AGBL4: variants seen among roughly 807,000 people sequenced by gnomAD.
The protein encoded by AGBL4 is AGBL carboxypeptidase 4, also known as cytosolic carboxypeptidase 6.
In AGBL4, 58 loss-of-function variants were observed where a neutral mutation model predicts 66.4. The observed-to-expected ratio is 0.87, with a 90% confidence interval of 0.71 to 1.09. AGBL4 has a LOEUF of 1.09. Ranked by LOEUF, AGBL4 falls within the 50% of genes least tolerant of loss-of-function variation. AGBL4 has a pLI of 0.00. For synonymous variants in AGBL4, 234 were observed against 222.9 expected, an observed-to-expected ratio of 1.05 and a Z score of -0.44; for missense variants, 579 against 631.0, an observed-to-expected ratio of 0.92 and a Z score of 0.88.
intron 1 of AGBL4, among the ~76,000 whole-genome samples, chr1:49,989,098 C>T (rs1351945979): frequency 1.3e-5 from 2 of 152,182 alleles, no homozygotes; most frequent in African/African-American, 2.4e-5. Flanking sequence ...CACAGCTTGA[C>T]GGAGCTACCA....
chr1:48,689,776 G>A (rs1019524327), intron 6 of AGBL4, among the ~76,000 whole-genome samples: 1 of 152,208 alleles, frequency 6.6e-6, no homozygotes, highest in African/African-American at 2.4e-5. Flanking sequence ...GTGGTGGCAT[G>A]TACCTGTAGT....
Position 48,636,683 on chromosome 1 carries a change from C to T in AGBL4, c.840-2079G>A, listed in dbSNP as rs572318736. Among the ~76,000 whole-genome samples, 17 of 152,290 alleles carry T rather than the reference C, an allele frequency of 1.1e-4. No homozygotes were observed. The South Asian group carries it at 3.1e-3, about 28-fold the overall frequency. ...GCAGTTCTTAAATATTCTTATCTGA[C>T]GTATTGCTACTCATGAAAGTGATTA... On this transcript the variant is annotated intron_variant, in intron 8 of 13. Transcript: ENST00000371839.
chr1:49,920,124 A>G (rs1222629516), intron 1 of AGBL4, among the ~76,000 whole-genome samples: 2 of 152,200 alleles, frequency 1.3e-5, no homozygotes, highest in African/African-American at 2.4e-5. Context: ...TAGACCTAAA[A>G]CCATAAAAAC....
At chr1:49,481,984 C>T (rs542121134) in intron 3 of AGBL4, among the ~76,000 whole-genome samples, 4 of 150,148 alleles carry the variant, frequency 2.7e-5, no homozygotes, top group South Asian at 2.1e-4. Context: ...CCTACTAGAT[C>T]GTGATGGATA....
At chr1:49,111,575 T>A (rs1390324589) in intron 4 of AGBL4, among the ~76,000 whole-genome samples, 1 of 152,244 alleles carries the variant, frequency 6.6e-6, no homozygotes, top group Non-Finnish European at 1.5e-5. Context: ...CTTTTGACCA[T>A]ATCATCTAAG....
At chr1:49,472,537 G>A (rs1231976473) in intron 3 of AGBL4, among the ~76,000 whole-genome samples, 4 of 151,922 alleles carry the variant, frequency 2.6e-5, no homozygotes, top group Admixed American at 6.6e-5. Flanking sequence ...GTGGCTCCTC[G>A]AAAAGTTAAA....
intron 4 of AGBL4, among the ~76,000 whole-genome samples, chr1:49,214,337 AT>A (rs1208827822): frequency 1.3e-5 from 2 of 152,260 alleles, no homozygotes; most frequent in East Asian, 1.9e-4. Context: ...TTGGAGCAGA[AT>A]TTTGTCCTAA....
At chr1:48,898,651 AT>A (rs71056684) in intron 5 of AGBL4, among the ~76,000 whole-genome samples, 136,086 of 151,546 alleles carry the variant, frequency 0.9, 61,491 homozygotes, top group Non-Finnish European at 0.96. Flanking sequence ...CTATGTGCTT[AT>A]TTTTTTTTTA....
At chr1:49,127,145 G>A (rs1466671255) in intron 4 of AGBL4, among the ~76,000 whole-genome samples, 2 of 152,116 alleles carry the variant, frequency 1.3e-5, no homozygotes, top group African/African-American at 4.8e-5. Context: ...TTGAAATAAG[G>A]GGAAAATATG....
chr1:49,201,390 GC>G (rs774471741), intron 4 of AGBL4, among the ~76,000 whole-genome samples: 4 of 152,126 alleles, frequency 2.6e-5, no homozygotes, highest in Non-Finnish European at 5.9e-5. Context: ...TTAGTGAGTT[GC>G]TCAAGGTGGC....
At chr1:48,816,098 GAA>G in intron 6 of AGBL4, among the ~76,000 whole-genome samples, 1 of 151,558 alleles carries the variant, frequency 6.6e-6, no homozygotes, top group East Asian at 1.9e-4. Context: ...TGTGTAGAGA[GAA>G]AGAGAGAGAG....
chr1:49,560,593 A>G (rs1175489921), intron 3 of AGBL4, among the ~76,000 whole-genome samples: 1 of 152,184 alleles, frequency 6.6e-6, no homozygotes. Context: ...GCAGAGAAAG[A>G]TATCAACGTC....
intron 6 of AGBL4, among the ~76,000 whole-genome samples, chr1:48,781,176 A>G (rs572030363): frequency 6.6e-6 from 1 of 152,318 alleles, no homozygotes; most frequent in Admixed American, 6.5e-5. Context: ...TAACCCAGAA[A>G]GAGGAAAAGA....
intron 1 of AGBL4, among the ~76,000 whole-genome samples, chr1:49,968,451 T>C (rs1022511051): frequency 1.3e-5 from 2 of 152,212 alleles, no homozygotes; most frequent in African/African-American, 4.8e-5. Context: ...TTATTTACAG[T>C]GCACTTGTGA....
intron 1 of AGBL4, among the ~76,000 whole-genome samples, chr1:50,019,118 A>G (rs1662218013): frequency 6.6e-6 from 1 of 152,188 alleles, no homozygotes; most frequent in East Asian, 1.9e-4. Context: ...TTGACAGTAC[A>G]TATGCAGTAT....
chr1:49,916,236 A>G (rs986823399), intron 1 of AGBL4, among the ~76,000 whole-genome samples: 3 of 152,246 alleles, frequency 2.0e-5, no homozygotes, highest in African/African-American at 7.2e-5. Context: ...TGGATGGAGA[A>G]TGACTTTGAT....
At position 48,841,032 on chromosome 1, in the gene AGBL4, T is replaced by C. The variant is rs191547370; in HGVS notation, c.634+26159A>G. ...AGCTATTCTCAAAAGCTACATTGTA[T>C]ATGATTCCATGTTTATGACACTCTT... On this transcript the variant is annotated intron_variant, in intron 6 of 13. Transcript: ENST00000371839. 3.1e-3 allele frequency among the ~76,000 whole-genome samples: 474 copies of C among 152,294 alleles called. 3 individuals are homozygous for C. Among genetic ancestry groups the C allele is most frequent in the African/African-American group, 0.01 (422 of 41,552 alleles).
intron 1 of AGBL4, among the ~76,000 whole-genome samples, chr1:49,956,384 C>T (rs527845419): frequency 9.9e-5 from 15 of 151,758 alleles, no homozygotes; most frequent in Non-Finnish European, 2.2e-4. Context: ...ATTAATAATA[C>T]TGGATATCCA....
intron 7 of AGBL4, among the ~76,000 whole-genome samples, chr1:48,658,416 T>C (rs1031802599): frequency 6.6e-6 from 1 of 152,228 alleles, no homozygotes; most frequent in Middle Eastern, 3.2e-3. Flanking sequence ...TGGCCCAGTG[T>C]GTGATGTGCA....
Sources: allele counts gnomAD v4.1 joint callset (sites outside exome capture counted in the v4.1 genomes callset), GRCh38; gene constraint gnomAD v4.1.1; transcripts MANE v1.5; gene names NCBI Gene and HGNC (gene_info 2026-07-23, HGNC 2026-07-21).